Variants in BCAT1 observed in about 807,000 individuals in gnomAD.
BCAT1 encodes branched chain amino acid transaminase 1.
BCAT1 carries 48 observed loss-of-function variants against 52.4 expected under a neutral mutation model. The observed-to-expected ratio is 0.92, with a 90% CI of 0.73 to 1.16. The LOEUF is 1.16. Among genes scored for constraint, BCAT1 ranks in the 50% most tolerant of loss-of-function variants. The probability of loss-of-function intolerance (pLI) is 0.00; values close to 1 mark genes in which losing one functional copy is unlikely to be tolerated. For missense variants in BCAT1, 451 were observed against 457.1 expected (o/e 0.99, Z 0.12); for synonymous variants, 167 against 161.3 (o/e 1.04, Z -0.27).
At chr12:24,881,260 A>T (rs1429246437) in intron 4 of BCAT1, 41 bp downstream of exon 4, 2 of 1,411,634 alleles carry the variant, frequency 1.4e-6, no homozygotes, top group Non-Finnish European at 2.0e-6. Context: ...GTGACCCGTT[A>T]CATTAAAAGA....
intron 3 of BCAT1, among the ~76,000 whole-genome samples, chr12:24,887,575 T>TAC (rs1942718592): frequency 6.6e-6 from 1 of 152,206 alleles, no homozygotes. Context: ...AGTAGAAAGA[T>TAC]AGAGTTTGTG....
intron 6 of BCAT1, among the ~76,000 whole-genome samples, chr12:24,843,329 C>T (rs1254751120): frequency 7.3e-6 from 1 of 136,942 alleles, no homozygotes; most frequent in Admixed American, 8.0e-5. Flanking sequence ...TGAGGCCAGG[C>T]GCGGTGGCTT....
chr12:24,910,125 G>A (rs1287627285), intron 1 of BCAT1, among the ~76,000 whole-genome samples: 1 of 152,134 alleles, frequency 6.6e-6, no homozygotes, highest in Non-Finnish European at 1.5e-5. Flanking sequence ...TGTAATCCCA[G>A]CACTTTGGGA....
chr12:24,849,904 G>A lies in BCAT1; in HGVS notation c.556C>T (p.Leu186Phe), dbSNP rs1297036913. ...KKPTKALLFV[L>F]LSPVGPYFSS... is the part of the protein sequence containing the mutation. ...AAATAAGGTCCCACTGGGCTCAAGA[G>A]TACAAAGAGCAGGGCTTTGGTAGGC... The change falls in exon 6 of 11, where the codon CTC becomes TTC. Residue 186 changes from leucine to phenylalanine, a missense_variant. Physicochemically the swap from Leu to Phe is conservative, Grantham distance 22 (BLOSUM62 0). Transcript: ENST00000261192. 6.2e-7 allele frequency: 1 copy of A among 1,613,442 alleles called. No homozygotes were observed. Among genetic ancestry groups the A allele is most frequent in the Non-Finnish European group, 8.5e-7 (1 of 1,179,540 alleles).
At chr12:24,830,156 C>G (rs532429018) in intron 9 of BCAT1, 2 of 323,040 alleles carry the variant, frequency 6.2e-6, no homozygotes, top group East Asian at 9.6e-5. Context: ...TGTATACCAG[C>G]CTTCAGGATC....
At chr12:24,913,176 G>T (rs1943356920) in intron 1 of BCAT1, among the ~76,000 whole-genome samples, 1 of 152,120 alleles carries the variant, frequency 6.6e-6, no homozygotes, top group Admixed American at 6.5e-5. Context: ...GTTTTCAGAA[G>T]TCTGTCATTA....
intron 2 of BCAT1, among the ~76,000 whole-genome samples, chr12:24,898,083 C>T (rs1198639306): frequency 6.6e-6 from 1 of 152,008 alleles, no homozygotes; most frequent in East Asian, 1.9e-4. Context: ...TCGTTTGGGG[C>T]AGATATGAAA....
intron 3 of BCAT1, among the ~76,000 whole-genome samples, chr12:24,889,724 T>C (rs1341018087): frequency 1.3e-5 from 2 of 152,136 alleles, no homozygotes; most frequent in Admixed American, 1.3e-4. Context: ...GCTGGGTGGC[T>C]CATGCCTGTA....
chr12:24,843,574 G>T (rs577221134), intron 6 of BCAT1, among the ~76,000 whole-genome samples: 9 of 152,260 alleles, frequency 5.9e-5, no homozygotes, highest in Admixed American at 5.2e-4. Flanking sequence ...CTGCACTCCA[G>T]CCTGGGTGAC....
intron 5 of BCAT1, among the ~76,000 whole-genome samples, chr12:24,866,482 C>T (rs995548229): frequency 1.3e-5 from 2 of 152,210 alleles, no homozygotes; most frequent in Non-Finnish European, 2.9e-5. Flanking sequence ...CTGAGGAGTG[C>T]GGGTGCACGG....
At chr12:24,842,395 A>T (rs544223968) in intron 6 of BCAT1, among the ~76,000 whole-genome samples, 171 bp from the exon 7 acceptor site, 129 of 152,360 alleles carry the variant, frequency 8.5e-4, no homozygotes, top group Non-Finnish European at 1.6e-3. Context: ...AGGAAAACTC[A>T]TTAGAAAATC....
At chr12:24,842,504 T>C (rs1941206214) in intron 6 of BCAT1, among the ~76,000 whole-genome samples, 1 of 149,900 alleles carries the variant, frequency 6.7e-6, no homozygotes, top group South Asian at 2.1e-4. Flanking sequence ...AATAGCCAAG[T>C]TAATGAGAAC....
intron 10 of BCAT1, among the ~76,000 whole-genome samples, chr12:24,826,989 A>G (rs1193887505): frequency 6.6e-6 from 1 of 152,144 alleles, no homozygotes; most frequent in African/African-American, 2.4e-5. Context: ...TTGATTTTAT[A>G]TCCTGCAACT....
chr12:24,825,089 T>C lies in BCAT1; in HGVS notation c.1119+4734A>G, dbSNP rs150338887. 1.7e-3 allele frequency among the ~76,000 whole-genome samples: 254 copies of C among 151,860 alleles called. 1 individual carries two copies. Among genetic ancestry groups the C allele is most frequent in the South Asian group, 0.013 (61 of 4,810 alleles). Reference sequence around the variant, plus strand: ...TGCAAATGACAGGATTTCATTCTTTTTTATGGCTGAATAGTACCACATTGT... The same window carrying C: ...TGCAAATGACAGGATTTCATTCTTTCTTATGGCTGAATAGTACCACATTGT... On this transcript the variant is annotated intron_variant, in intron 10 of 10. Coordinates refer to ENST00000261192, the MANE Select transcript of BCAT1 (RefSeq NM_005504.7).
At chr12:24,922,647 C>T (rs1429571894) in intron 1 of BCAT1, among the ~76,000 whole-genome samples, 3 of 151,910 alleles carry the variant, frequency 2.0e-5, no homozygotes, top group African/African-American at 2.4e-5. Context: ...CCGAGGCAGG[C>T]GGATCACGAG....
At chr12:24,832,913 C>A in intron 8 of BCAT1, 50 bp from the exon 9 acceptor site, 1 of 1,521,722 alleles carries the variant, frequency 6.6e-7, no homozygotes, top group Non-Finnish European at 8.9e-7. Context: ...AAAAGGCATG[C>A]AAAACAATTG....
At chr12:24,825,984 G>A (rs1476559073) in intron 10 of BCAT1, among the ~76,000 whole-genome samples, 1 of 152,186 alleles carries the variant, frequency 6.6e-6, no homozygotes, top group African/African-American at 2.4e-5. Flanking sequence ...GGCTGAGACA[G>A]GAGGATCCCT....
intron 5 of BCAT1, among the ~76,000 whole-genome samples, chr12:24,854,428 A>T (rs1273871904): frequency 6.6e-6 from 1 of 152,202 alleles, no homozygotes; most frequent in African/African-American, 2.4e-5. Flanking sequence ...TTTCTTTTTT[A>T]AAAAACTACT....
intron 1 of BCAT1, among the ~76,000 whole-genome samples, chr12:24,936,324 C>G (rs111468947): frequency 0.023 from 3,445 of 152,314 alleles, 104 homozygotes; most frequent in African/African-American, 0.065. Context: ...TCTCTACCTC[C>G]CGGGTTCAAG....
Sources: allele counts gnomAD v4.1 joint callset (sites outside exome capture counted in the v4.1 genomes callset), GRCh38; gene constraint gnomAD v4.1.1; transcripts MANE v1.5; gene names NCBI Gene and HGNC (gene_info 2026-07-23, HGNC 2026-07-21).